The following PLCE1 variants were observed in gnomAD, a reference collection of about 807,000 sequenced individuals.
PLCE1 encodes phospholipase C epsilon 1, also known as 1-phosphatidylinositol 4,5-bisphosphate phosphodiesterase epsilon-1.
In PLCE1, 119 loss-of-function variants were observed where a neutral mutation model predicts 242.8. The observed-to-expected ratio is 0.49, with a 90% CI of 0.42 to 0.57. The LOEUF is 0.57. Ranked by LOEUF, PLCE1 falls within the 20% of genes least tolerant of loss-of-function variation. The pLI, the probability that PLCE1 is intolerant of heterozygous loss-of-function variation, is 0.00. For missense variants in PLCE1, 2,441 were observed against 2,788.8 expected (o/e 0.88, Z 2.81); for synonymous variants, 945 against 1,017.4 (o/e 0.93, Z 1.35).
At chr10:94,082,007 C>A (rs1037435533) in intron 2 of PLCE1, 3 of 152,170 alleles carry the variant, frequency 2.0e-5, no homozygotes, top group African/African-American at 4.8e-5. Flanking sequence ...GATTAAAGAA[C>A]CTTATAAGTA....
intron 1 of PLCE1, among the ~76,000 whole-genome samples, chr10:94,012,519 C>T (rs931887544): frequency 3.9e-5 from 6 of 151,994 alleles, no homozygotes; most frequent in South Asian, 2.1e-4. Flanking sequence ...AAACATCGGC[C>T]GTGTCACTAA....
At chr10:94,010,139 A>C (rs1589849634) in intron 1 of PLCE1, among the ~76,000 whole-genome samples, 1 of 152,212 alleles carries the variant, frequency 6.6e-6, no homozygotes, top group East Asian at 1.9e-4. Flanking sequence ...CCTGTGTCAC[A>C]CTTGCATCCT....
rs894865402 is a variant in PLCE1, at chr10:94,263,657, G to A, written c.4053+925G>A. On this transcript the variant is annotated intron_variant, in intron 14 of 32. Coordinates refer to ENST00000371380, the MANE Select transcript of PLCE1 (RefSeq NM_016341.4). ...TGCAGTGAGCTAAGATCACACCACCGCACACCAGTCTGGGTAACAGAGCGA... is the reference window on the plus strand; with the variant it reads ...TGCAGTGAGCTAAGATCACACCACCACACACCAGTCTGGGTAACAGAGCGA... Among the ~76,000 whole-genome samples the A allele has an allele frequency of 6.6e-5, 10 of 151,858 alleles. No individual in the cohort carries two copies. In the East Asian group the frequency reaches 7.7e-4, roughly 12 times the overall value.
At chr10:94,114,578 C>A (rs1411570967) in intron 2 of PLCE1, among the ~76,000 whole-genome samples, 1 of 152,044 alleles carries the variant, frequency 6.6e-6, no homozygotes, top group Non-Finnish European at 1.5e-5. Flanking sequence ...ATTTTTATAC[C>A]AAGCCTCATA....
chr10:94,257,447 GC>G (rs2051139347), intron 11 of PLCE1, among the ~76,000 whole-genome samples: 1 of 152,030 alleles, frequency 6.6e-6, no homozygotes, highest in Non-Finnish European at 1.5e-5. Flanking sequence ...TATAAATCAT[GC>G]TGCTATAAAG....
intron 2 of PLCE1, chr10:94,106,955 C>G (rs1481300822): frequency 9.2e-5 from 1 of 10,856 alleles, no homozygotes; most frequent in African/African-American, 1.8e-4. Context: ...CCCCTCCCCT[C>G]CCCCCCCCAA....
At chr10:94,120,010 C>T (rs2135753917) in intron 2 of PLCE1, among the ~76,000 whole-genome samples, 1 of 152,262 alleles carries the variant, frequency 6.6e-6, no homozygotes, top group East Asian at 1.9e-4. Flanking sequence ...GGATAGGCAC[C>T]CCAGCGTGGG....
At chr10:94,144,313 C>T (rs114994690) in intron 3 of PLCE1, among the ~76,000 whole-genome samples, 171 of 152,098 alleles carry the variant, frequency 1.1e-3, no homozygotes, top group African/African-American at 4.0e-3. Flanking sequence ...GTGTGTGTGT[C>T]TCTGTGTGTG....
At chr10:94,014,898 C>T (rs1485517568) in intron 1 of PLCE1, among the ~76,000 whole-genome samples, 1 of 152,204 alleles carries the variant, frequency 6.6e-6, no homozygotes, top group Non-Finnish European at 1.5e-5. Context: ...CACCATGATT[C>T]TGATGCTGAT....
At chr10:94,180,630 C>A (rs1274250529) in intron 4 of PLCE1, among the ~76,000 whole-genome samples, 4 of 152,196 alleles carry the variant, frequency 2.6e-5, no homozygotes, top group Non-Finnish European at 4.4e-5. Context: ...GAAACCCACA[C>A]CCTTAGCGGT....
At chr10:94,134,005 T>G (rs1016520593) in intron 3 of PLCE1, among the ~76,000 whole-genome samples, 5 of 152,204 alleles carry the variant, frequency 3.3e-5, no homozygotes, top group Non-Finnish European at 5.9e-5. Context: ...GGAATTGGCA[T>G]TGTTTTAATG....
intron 2 of PLCE1, among the ~76,000 whole-genome samples, chr10:94,038,248 T>A (rs527469105): frequency 2.0e-5 from 3 of 152,196 alleles, no homozygotes; most frequent in African/African-American, 7.2e-5. Flanking sequence ...ATTTGAAGCA[T>A]CAGTGGGGGG....
At chr10:94,025,838 A>G (rs765448737) in intron 1 of PLCE1, among the ~76,000 whole-genome samples, 1 of 152,208 alleles carries the variant, frequency 6.6e-6, no homozygotes, top group Non-Finnish European at 1.5e-5. Flanking sequence ...TTCTTGCTCT[A>G]ACCATGCATT....
intron 3 of PLCE1, among the ~76,000 whole-genome samples, chr10:94,142,723 G>A (rs929213813): frequency 6.6e-6 from 1 of 152,170 alleles, no homozygotes; most frequent in Non-Finnish European, 1.5e-5. Context: ...TGTTAGCTCA[G>A]TTGTAGATGT....
chr10:94,276,770 T>G (rs1001740015), intron 19 of PLCE1, among the ~76,000 whole-genome samples: 1 of 152,234 alleles, frequency 6.6e-6, no homozygotes, highest in African/African-American at 2.4e-5. Context: ...CATGAAATTT[T>G]GTCAGCTATC....
At chr10:94,259,199 C>T in intron 13 of PLCE1, 49 bp downstream of exon 13, 1 of 1,595,922 alleles carries the variant, frequency 6.3e-7, no homozygotes. Context: ...CTGTCTAAAA[C>T]TTAAGGTCAG....
chr10:94,303,290 C>G (rs901558695), intron 24 of PLCE1, among the ~76,000 whole-genome samples: 6 of 152,204 alleles, frequency 3.9e-5, no homozygotes, highest in African/African-American at 1.2e-4. Context: ...GAGTATTCAT[C>G]AGGTGTGTCT....
At chr10:94,003,358 A>G (rs1035126451) in intron 1 of PLCE1, among the ~76,000 whole-genome samples, 1 of 152,250 alleles carries the variant, frequency 6.6e-6, no homozygotes. Context: ...ATCAAATGCC[A>G]AAAAGGTAAT....
intron 2 of PLCE1, among the ~76,000 whole-genome samples, chr10:94,059,542 T>C (rs2134935506): frequency 6.6e-6 from 1 of 152,266 alleles, no homozygotes; most frequent in East Asian, 1.9e-4. Flanking sequence ...GTGAAAGTTT[T>C]ACCTCTAAAT....
Sources: allele counts gnomAD v4.1 joint callset (sites outside exome capture counted in the v4.1 genomes callset), GRCh38; gene constraint gnomAD v4.1.1; transcripts MANE v1.5; gene names NCBI Gene and HGNC (gene_info 2026-07-23, HGNC 2026-07-21).